PTPN11: variants seen among roughly 807,000 people sequenced by gnomAD.
PTPN11 encodes the protein protein tyrosine phosphatase non-receptor type 11, also known as tyrosine-protein phosphatase non-receptor type 11.
PTPN11 carries 6 observed loss-of-function variants against 78.8 expected under a neutral mutation model. That is an observed-to-expected ratio of 0.08 (90% confidence interval 0.04 to 0.15). PTPN11 has a LOEUF of 0.15. Among genes scored for constraint, PTPN11 ranks in the 10% least tolerant of loss-of-function variants. PTPN11 has a pLI of 1.00. For missense variants in PTPN11, 386 were observed against 744.8 expected (o/e 0.52, Z 5.61); for synonymous variants, 221 against 263.5 (o/e 0.84, Z 1.56).
chr12:112,487,682 T>G (rs1361044343), intron 11 of PTPN11, among the ~76,000 whole-genome samples: 1 of 152,224 alleles, frequency 6.6e-6, no homozygotes, highest in African/African-American at 2.4e-5. Context: ...GTCCAGTTGT[T>G]AAAGAAGCTA....
At chr12:112,472,130 C>CT (rs1010818577) in intron 6 of PTPN11, among the ~76,000 whole-genome samples, 3 of 151,584 alleles carry the variant, frequency 2.0e-5, no homozygotes, top group African/African-American at 4.8e-5. Context: ...GGCCTTCTGC[C>CT]TTTTTTTTAA....
At chr12:112,420,078 GAATCCCTACTTTT>G (rs1246819943) in intron 1 of PTPN11, among the ~76,000 whole-genome samples, 1 of 152,164 alleles carries the variant, frequency 6.6e-6, no homozygotes, top group Non-Finnish European at 1.5e-5. Context: ...GGTGGAGACA[GAATCCCTACTTTT>G]AATCACTATG....
rs1016732063 is a variant in PTPN11, at chr12:112,459,954, GT to G, written c.756+3898del. On this transcript the variant is annotated intron_variant, in intron 6 of 15. Coordinates refer to ENST00000351677, the MANE Select transcript of PTPN11 (RefSeq NM_002834.5). ...ACACACACACACACTTGCAATTTGT[GT>G]TTTTTTCTTTTTAGATGGATCTCAC... 9.3e-5 allele frequency among the ~76,000 whole-genome samples: 14 copies of G among 151,064 alleles called. 1 individual carries two copies. In the South Asian group the frequency reaches 2.5e-3, roughly 27 times the overall value.
intron 6 of PTPN11, among the ~76,000 whole-genome samples, chr12:112,471,100 T>C (rs1457586237): frequency 2.0e-5 from 3 of 152,228 alleles, no homozygotes; most frequent in Non-Finnish European, 2.9e-5. Flanking sequence ...ATGTCCAGGC[T>C]GAAGGTTGCA....
At chr12:112,501,684 G>T (rs1446037666) in intron 13 of PTPN11, among the ~76,000 whole-genome samples, 1 of 152,194 alleles carries the variant, frequency 6.6e-6, no homozygotes, top group African/African-American at 2.4e-5. Flanking sequence ...ACAATGAAGT[G>T]TGTTATTTTT....
chr12:112,495,565 T>G (rs963135369), intron 13 of PTPN11, among the ~76,000 whole-genome samples: 1 of 152,182 alleles, frequency 6.6e-6, no homozygotes, highest in Non-Finnish European at 1.5e-5. Flanking sequence ...TCAGTTTGTT[T>G]AGTTAGTATC....
chr12:112,465,291 G>C (rs1335196702), intron 6 of PTPN11, among the ~76,000 whole-genome samples: 1 of 152,026 alleles, frequency 6.6e-6, no homozygotes, highest in South Asian at 2.1e-4. Flanking sequence ...AAAATTAGCT[G>C]GGTGTGGTGG....
chr12:112,467,135 A>G (rs1467072465), intron 6 of PTPN11, among the ~76,000 whole-genome samples: 2 of 152,052 alleles, frequency 1.3e-5, no homozygotes, highest in Admixed American at 1.3e-4. Context: ...AGACAATGAA[A>G]ACTTAACTCC....
chr12:112,453,084 G>A (rs1388740363), intron 3 of PTPN11, 111 bp from the exon 4 acceptor site: 4 of 927,320 alleles, frequency 4.3e-6, no homozygotes, highest in African/African-American at 1.7e-5. Context: ...GGAGGAATGT[G>A]TCTACTTTTT....
intron 1 of PTPN11, among the ~76,000 whole-genome samples, chr12:112,421,198 T>A (rs1025610427): frequency 4.6e-5 from 7 of 152,216 alleles, no homozygotes; most frequent in Non-Finnish European, 2.9e-5. Flanking sequence ...GAATGATTCA[T>A]TATTTTTTGG....
intron 6 of PTPN11, among the ~76,000 whole-genome samples, chr12:112,456,924 T>A (rs1279624950): frequency 6.6e-6 from 1 of 152,288 alleles, no homozygotes; most frequent in East Asian, 1.9e-4. Flanking sequence ...TGATTTCTTT[T>A]TTTTTTAAAT....
intron 13 of PTPN11, among the ~76,000 whole-genome samples, chr12:112,493,383 ATT>A (rs60572157): frequency 1.5e-4 from 19 of 130,556 alleles, no homozygotes; most frequent in Admixed American, 2.3e-4. Flanking sequence ...TTAAGTGTAC[ATT>A]TTTTTTTTTT....
intron 1 of PTPN11, among the ~76,000 whole-genome samples, chr12:112,439,052 C>T (rs945933183): frequency 6.6e-6 from 1 of 152,166 alleles, no homozygotes; most frequent in Admixed American, 6.6e-5. Flanking sequence ...AATATTAACT[C>T]ATTTTATCCT....
chr12:112,420,359 T>A (rs1385877289), intron 1 of PTPN11, among the ~76,000 whole-genome samples: 2 of 152,056 alleles, frequency 1.3e-5, no homozygotes, highest in African/African-American at 2.4e-5. Flanking sequence ...TTCTTTTTTT[T>A]TTTGGAGACG....
intron 3 of PTPN11, among the ~76,000 whole-genome samples, chr12:112,452,470 C>T (rs2038092757): frequency 6.6e-6 from 1 of 152,202 alleles, no homozygotes; most frequent in Non-Finnish European, 1.5e-5. Context: ...AGGTGATCCA[C>T]CTGCCTCGGC....
chr12:112,483,473 C>T (rs1044073201), intron 10 of PTPN11, among the ~76,000 whole-genome samples: 4 of 152,288 alleles, frequency 2.6e-5, no homozygotes, highest in East Asian at 1.9e-4. Flanking sequence ...GAATTACAGG[C>T]GTGAGCCAGC....
In PTPN11 at chr12:112,453,764, C is replaced by T. The variant is rs556879815; in HGVS notation, c.525+377C>T. On this transcript the variant is annotated intron_variant, in intron 4 of 15. Transcript: ENST00000351677. ...CCTCCCTGGGCTCAGTTGATCTTCC[C>T]TCAGCCTCTTGAGTAGCTGGGACTA... Among the ~76,000 whole-genome samples the T allele has an allele frequency of 3.3e-5, 5 of 151,840 alleles. No individual in the cohort carries two copies. The East Asian group carries it at 5.8e-4, about 18-fold the overall frequency.
At chr12:112,479,013 T>C (rs1055674345) in intron 9 of PTPN11, among the ~76,000 whole-genome samples, 1 of 152,156 alleles carries the variant, frequency 6.6e-6, no homozygotes, top group African/African-American at 2.4e-5. Flanking sequence ...GGATTATAGG[T>C]GTGAGCCACC....
At chr12:112,456,129 C>G in intron 6 of PTPN11, 66 bp downstream of exon 6, 2 of 1,090,730 alleles carry the variant, frequency 1.8e-6, no homozygotes, top group Admixed American at 1.9e-5. Context: ...GGAGAAGTTG[C>G]TCTTGTGTTT....
Sources: allele counts gnomAD v4.1 joint callset (sites outside exome capture counted in the v4.1 genomes callset), GRCh38; gene constraint gnomAD v4.1.1; transcripts MANE v1.5; gene names NCBI Gene and HGNC (gene_info 2026-07-23, HGNC 2026-07-21).